The following GALM variants were observed in gnomAD, a reference collection of about 807,000 sequenced individuals.
GALM encodes galactose mutarotase, also known as aldose 1-epimerase.
Under a neutral mutation model 37.4 loss-of-function variants are expected in GALM, and 43 were observed. The observed-to-expected ratio is 1.15, with a 90% CI of 0.90 to 1.48. The LOEUF (loss-of-function observed/expected upper bound fraction) is 1.48. Ranked by LOEUF, GALM falls within the 40% of genes most tolerant of loss-of-function variation. The pLI is 0.00. For synonymous variants in GALM, 199 were observed against 170.6 expected, an observed-to-expected ratio of 1.17 and a Z score of -1.30; for missense variants, 456 against 419.1, an observed-to-expected ratio of 1.09 and a Z score of -0.77.
At chr2:38,695,843 C>T (rs1380589168) in intron 4 of GALM, among the ~76,000 whole-genome samples, 10 of 151,352 alleles carry the variant, frequency 6.6e-5, no homozygotes, top group African/African-American at 1.5e-4. Flanking sequence ...ACTACAGGCG[C>T]GCATGCCACC....
At chr2:38,703,100 T>A (rs1368937960) in intron 4 of GALM, among the ~76,000 whole-genome samples, 317 of 31,700 alleles carry the variant, frequency 0.01, no homozygotes, top group South Asian at 0.02. Flanking sequence ...ATATTTTTTT[T>A]TTTTTTTTTT....
chr2:38,697,831 G>C (rs73930943), intron 4 of GALM, among the ~76,000 whole-genome samples: 1 of 152,074 alleles, frequency 6.6e-6, no homozygotes, highest in African/African-American at 2.4e-5. Context: ...ATTCCCTTAC[G>C]TCTTCAATGC....
At chr2:38,666,921 A>C (rs1016161448) in intron 1 of GALM, among the ~76,000 whole-genome samples, 6 of 152,158 alleles carry the variant, frequency 3.9e-5, no homozygotes, top group African/African-American at 1.4e-4. Context: ...CTCAGAGATC[A>C]GGTCTCCTAC....
chr2:38,716,910 C>G (rs1388406017), intron 4 of GALM, among the ~76,000 whole-genome samples: 3 of 152,112 alleles, frequency 2.0e-5, no homozygotes, highest in Non-Finnish European at 4.4e-5. Context: ...ATGAAAATGA[C>G]AGTGTGCTCT....
chr2:38,675,141 C>T (rs1338213612), intron 1 of GALM, among the ~76,000 whole-genome samples: 1 of 152,076 alleles, frequency 6.6e-6, no homozygotes, highest in African/African-American at 2.4e-5. Context: ...GGCCACTGCA[C>T]TCCAGCCTGG....
chr2:38,687,413 C>T (rs1665563853), intron 3 of GALM, among the ~76,000 whole-genome samples: 1 of 152,060 alleles, frequency 6.6e-6, no homozygotes, highest in Non-Finnish European at 1.5e-5. Context: ...AAAACAAGAG[C>T]ATCATAGTTC....
intron 2 of GALM, among the ~76,000 whole-genome samples, chr2:38,676,797 A>T (rs534219330): frequency 6.6e-6 from 1 of 152,286 alleles, no homozygotes; most frequent in Admixed American, 6.5e-5. Context: ...ATAAAGGGCC[A>T]CATGACTCCT....
At chr2:38,682,582 C>A (rs1665422997) in intron 3 of GALM, among the ~76,000 whole-genome samples, 1 of 152,116 alleles carries the variant, frequency 6.6e-6, no homozygotes, top group African/African-American at 2.4e-5. Context: ...TCCTCAGGAA[C>A]TTTCACCATC....
At chr2:38,712,811 T>C (rs1251316068) in intron 4 of GALM, among the ~76,000 whole-genome samples, 1 of 152,184 alleles carries the variant, frequency 6.6e-6, no homozygotes, top group Non-Finnish European at 1.5e-5. Context: ...TTAGGTTGTA[T>C]GTTTATTTGG....
chr2:38,693,526 C>G (rs1408238649), intron 4 of GALM, among the ~76,000 whole-genome samples: 1 of 151,406 alleles, frequency 6.6e-6, no homozygotes, highest in East Asian at 1.9e-4. Flanking sequence ...CCTGTTAGAC[C>G]AGCCATACTC....
intron 4 of GALM, among the ~76,000 whole-genome samples, chr2:38,718,489 G>A (rs1182719604): frequency 6.6e-6 from 1 of 151,898 alleles, no homozygotes; most frequent in Non-Finnish European, 1.5e-5. Context: ...GTGAGCCACT[G>A]CTCCCGGCCC....
chr2:38,701,698 G>A (rs1572529298), intron 4 of GALM, among the ~76,000 whole-genome samples: 1 of 152,016 alleles, frequency 6.6e-6, no homozygotes, highest in African/African-American at 2.4e-5. Flanking sequence ...CCTACAATTC[G>A]GCAGATGATA....
chr2:38,685,701 CATTTTT>C (rs1665500562), intron 3 of GALM, among the ~76,000 whole-genome samples: 1 of 150,444 alleles, frequency 6.6e-6, no homozygotes, highest in South Asian at 2.1e-4. Context: ...AAGAAGCATG[CATTTTT>C]ATTTTTATTT....
chr2:38,720,784 C>T (rs753477351), intron 4 of GALM, among the ~76,000 whole-genome samples: 7 of 152,178 alleles, frequency 4.6e-5, no homozygotes, highest in Non-Finnish European at 1.0e-4. Context: ...TCAGCCAGAA[C>T]AGCCCACACA....
At chr2:38,672,469 G>C (rs960247411) in intron 1 of GALM, among the ~76,000 whole-genome samples, 1 of 152,098 alleles carries the variant, frequency 6.6e-6, no homozygotes, top group South Asian at 2.1e-4. Context: ...GAATAGGAGA[G>C]AGAGAGATCA....
At chr2:38,696,781 C>CTTTTTT (rs34163863) in intron 4 of GALM, among the ~76,000 whole-genome samples, 15 of 68,464 alleles carry the variant, frequency 2.2e-4, no homozygotes, top group African/African-American at 4.6e-4. Flanking sequence ...CCCAAGAAAG[C>CTTTTTT]TTTTTTTTTT....
At chr2:38,689,549 C>T (rs1019480878) in intron 3 of GALM, among the ~76,000 whole-genome samples, 1 of 152,198 alleles carries the variant, frequency 6.6e-6, no homozygotes, top group African/African-American at 2.4e-5. Context: ...TTTCAAACCA[C>T]TGTGGTCTCT....
intron 6 of GALM, among the ~76,000 whole-genome samples, chr2:38,733,217 T>A (rs1666641604): frequency 1.9e-5 from 1 of 53,986 alleles, no homozygotes; most frequent in African/African-American, 7.8e-5. Flanking sequence ...CAAGACTCCA[T>A]CTCAAAAAAA....
chr2:38,677,232 T>G (rs1277312421), intron 2 of GALM, among the ~76,000 whole-genome samples: 1 of 152,316 alleles, frequency 6.6e-6, no homozygotes, highest in East Asian at 1.9e-4. Flanking sequence ...TTAACTTTCT[T>G]TTAAATTATA....
Sources: gnomAD v4.1 joint callset for allele counts (sites outside exome capture counted in the v4.1 genomes callset) on GRCh38, gnomAD v4.1.1 for gene constraint, MANE v1.5 for transcripts, NCBI Gene and HGNC (gene_info 2026-07-23, HGNC 2026-07-21) for gene names.